The following MEIS1 variants were observed in gnomAD, a reference collection of about 807,000 sequenced individuals.
MEIS1 encodes Meis homeobox 1.
A neutral mutation model predicts 50.8 loss-of-function variants in MEIS1; 5 were observed. That is an observed-to-expected ratio of 0.10 (90% CI 0.05 to 0.21). The LOEUF (loss-of-function observed/expected upper bound fraction) is 0.21, where lower values mean the gene tolerates loss of function less well. MEIS1 is among the 10% of genes least tolerant of loss of function. MEIS1 has a pLI of 1.00. For missense variants in MEIS1, 318 were observed against 517.3 expected, an observed-to-expected ratio of 0.61 and a Z score of 3.74; for synonymous variants, 176 against 179.3, an observed-to-expected ratio of 0.98 and a Z score of 0.15.
chr2:66,493,746 A>G (rs1307409548), intron 7 of MEIS1, among the ~76,000 whole-genome samples: 1 of 152,186 alleles, frequency 6.6e-6, no homozygotes, highest in African/African-American at 2.4e-5. Context: ...CTATAAGTAA[A>G]CCACACAGCC....
At chr2:66,528,612 T>A (rs943033827) in intron 8 of MEIS1, among the ~76,000 whole-genome samples, 1 of 151,950 alleles carries the variant, frequency 6.6e-6, no homozygotes, top group Non-Finnish European at 1.5e-5. Context: ...CCTAAACACT[T>A]CTCCATTCTT....
intron 12 of MEIS1, chr2:66,570,093 CTGATTATATTTA>C (rs1675447112): frequency 6.6e-6 from 1 of 152,168 alleles, no homozygotes; most frequent in African/African-American, 2.4e-5. Flanking sequence ...GCTTGTGTCT[CTGATTATATTTA>C]TGCACTATTT....
intron 9 of MEIS1, among the ~76,000 whole-genome samples, chr2:66,565,948 G>A (rs2103970807): frequency 6.6e-6 from 1 of 152,174 alleles, no homozygotes; most frequent in East Asian, 1.9e-4. Flanking sequence ...TTCACATGGT[G>A]TTTGTGCTAC....
At chr2:66,553,047 AAG>A (rs1162836964) in intron 9 of MEIS1, among the ~76,000 whole-genome samples, 5 of 152,240 alleles carry the variant, frequency 3.3e-5, no homozygotes, top group Non-Finnish European at 7.3e-5. Flanking sequence ...ATGTAAAAAA[AAG>A]AAAAAAACAG....
At chr2:66,457,986 A>G in intron 6 of MEIS1, among the ~76,000 whole-genome samples, 1 of 152,212 alleles carries the variant, frequency 6.6e-6, no homozygotes, top group Non-Finnish European at 1.5e-5. Context: ...GTACCTCCCC[A>G]AAGAGAAAGC....
chr2:66,564,233 G>T (rs1158241160), intron 9 of MEIS1, among the ~76,000 whole-genome samples: 1 of 149,800 alleles, frequency 6.7e-6, no homozygotes, highest in Non-Finnish European at 1.5e-5. Flanking sequence ...TTTAATTAAA[G>T]GTTTCCCCCT....
At chr2:66,522,841 G>A (rs1041749878) in intron 8 of MEIS1, among the ~76,000 whole-genome samples, 4 of 152,168 alleles carry the variant, frequency 2.6e-5, no homozygotes, top group Non-Finnish European at 5.9e-5. Context: ...GACCGCATAG[G>A]AAGTAGCTGT....
chr2:66,551,028 G>A (rs571915025), intron 9 of MEIS1, among the ~76,000 whole-genome samples: 1 of 152,250 alleles, frequency 6.6e-6, no homozygotes, highest in East Asian at 1.9e-4. Flanking sequence ...CTGTTGAAAT[G>A]CAATTCAATA....
chr2:66,507,163 T>C (rs1314154368), intron 7 of MEIS1, among the ~76,000 whole-genome samples: 3 of 152,204 alleles, frequency 2.0e-5, no homozygotes, highest in Admixed American at 6.5e-5. Flanking sequence ...TAAGCATACT[T>C]TTGAATGGAC....
At chr2:66,505,734 A>C (rs536602490) in intron 7 of MEIS1, among the ~76,000 whole-genome samples, 2 of 152,354 alleles carry the variant, frequency 1.3e-5, no homozygotes, top group Admixed American at 1.3e-4. Flanking sequence ...TTAGTTAAGT[A>C]AATGATTTTA....
chr2:66,497,407 T>C, intron 7 of MEIS1, among the ~76,000 whole-genome samples: 1 of 152,208 alleles, frequency 6.6e-6, no homozygotes, highest in East Asian at 1.9e-4. Context: ...CAATCTCAGT[T>C]TCTGGTATCT....
chr2:66,560,635 T>A (rs1204032774), intron 9 of MEIS1, among the ~76,000 whole-genome samples: 1 of 151,964 alleles, frequency 6.6e-6, no homozygotes, highest in Non-Finnish European at 1.5e-5. Context: ...GTAATTACCT[T>A]CCTCAACTGT....
At chr2:66,475,073 C>G (rs1179317476) in intron 7 of MEIS1, among the ~76,000 whole-genome samples, 1 of 150,386 alleles carries the variant, frequency 6.6e-6, no homozygotes, top group Non-Finnish European at 1.5e-5. Context: ...CCTTGACACC[C>G]TTTTATACTT....
At chr2:66,496,408 T>G (rs970083963) in intron 7 of MEIS1, among the ~76,000 whole-genome samples, 1 of 152,128 alleles carries the variant, frequency 6.6e-6, no homozygotes, top group Non-Finnish European at 1.5e-5. Context: ...GTCTCTTTTT[T>G]GCTCTTCTCT....
chr2:66,482,469 A>T (rs895246695), intron 7 of MEIS1, among the ~76,000 whole-genome samples: 1 of 152,184 alleles, frequency 6.6e-6, no homozygotes, highest in East Asian at 1.9e-4. Context: ...GTAACCTAGT[A>T]ACTGATATCT....
chr2:66,473,478 T>C (rs1672818662), intron 7 of MEIS1, among the ~76,000 whole-genome samples: 2 of 149,774 alleles, frequency 1.3e-5, no homozygotes, highest in South Asian at 2.1e-4. Flanking sequence ...AATTCTGTTG[T>C]CTGCTGAATT....
In MEIS1 at chr2:66,572,640, G is replaced by A. The variant is rs2103983019; in HGVS notation, c.*1432G>A. 6.6e-6 allele frequency: 1 copy of A among 152,252 alleles called. No individual in the cohort carries two copies. The highest frequency in any genetic ancestry group is 1.9e-4 in the East Asian group (1 of 5,168). The allele number at this position is 152,252 out of a possible 1,614,324, so 9.4% of individuals were successfully genotyped here. On this transcript the variant is annotated 3_prime_UTR_variant, in exon 13 of 13. Transcript: ENST00000272369. ...TTATTAATAACAATCATTGCACACT[G>A]AGTCTTAGCGTTTCTGATGGAAACA...
At chr2:66,525,468 C>G (rs1674227366) in intron 8 of MEIS1, among the ~76,000 whole-genome samples, 1 of 152,146 alleles carries the variant, frequency 6.6e-6, no homozygotes, top group South Asian at 2.1e-4. Context: ...TTGTTTTTCT[C>G]TTTGATTTTT....
intron 6 of MEIS1, among the ~76,000 whole-genome samples, chr2:66,459,728 C>G (rs576226800): frequency 6.6e-6 from 1 of 152,064 alleles, no homozygotes; most frequent in Non-Finnish European, 1.5e-5. Flanking sequence ...GAATGGCTCT[C>G]AGGTTTATAC....
Sources: allele counts gnomAD v4.1 joint callset (sites outside exome capture counted in the v4.1 genomes callset), GRCh38; gene constraint gnomAD v4.1.1; transcripts MANE v1.5; gene names NCBI Gene and HGNC (gene_info 2026-07-23, HGNC 2026-07-21).